The following LIMK2 variants were observed in gnomAD, a reference collection of about 807,000 sequenced individuals.
LIMK2 encodes the protein LIM domain kinase 2.
In LIMK2, 35 loss-of-function variants were observed where a neutral mutation model predicts 75.7. The ratio of observed to expected loss-of-function variants is 0.46; its 90% CI spans 0.35 to 0.61. The LOEUF is 0.61. LIMK2 is among the 20% of genes least tolerant of loss of function. LIMK2 has a pLI of 0.00. For synonymous variants in LIMK2, 301 were observed against 319.2 expected, an observed-to-expected ratio of 0.94 and a Z score of 0.61; for missense variants, 623 against 831.0, an observed-to-expected ratio of 0.75 and a Z score of 3.08.
intron 2 of LIMK2, among the ~76,000 whole-genome samples, chr22:31,251,231 A>G (rs1483174409): frequency 2.0e-5 from 3 of 152,224 alleles, no homozygotes; most frequent in Non-Finnish European, 4.4e-5. Context: ...TTTTTATAGA[A>G]TTTCACTTAA....
At chr22:31,256,965 A>G (rs1363223429) in intron 2 of LIMK2, among the ~76,000 whole-genome samples, 4 of 150,330 alleles carry the variant, frequency 2.7e-5, no homozygotes, top group Non-Finnish European at 4.4e-5. Flanking sequence ...CTGTGCAGGT[A>G]AGTCCTGAGA....
chr22:31,217,990 G>A (rs2048401988), intron 1 of LIMK2, among the ~76,000 whole-genome samples: 1 of 152,136 alleles, frequency 6.6e-6, no homozygotes, highest in Admixed American at 6.5e-5. Flanking sequence ...AGTTTGCTGA[G>A]TTTGTTTTGA....
intron 2 of LIMK2, among the ~76,000 whole-genome samples, chr22:31,236,907 A>C (rs369155238): frequency 7.9e-6 from 1 of 126,336 alleles, no homozygotes; most frequent in East Asian, 5.6e-4. Context: ...ACAGAGCGAG[A>C]CTCTGTCTCA....
At chr22:31,276,966 C>A (rs780137760) in intron 15 of LIMK2, 3 of 1,613,836 alleles carry the variant, frequency 1.9e-6, no homozygotes, top group African/African-American at 2.7e-5. Context: ...AAGAGGAGAT[C>A]TCAGAACTAG....
chr22:31,265,191 C>CA (rs35356989), intron 7 of LIMK2, among the ~76,000 whole-genome samples: 14,936 of 34,230 alleles, frequency 0.44, 4,024 homozygotes, highest in Non-Finnish European at 0.5. Context: ...GAGACTCCAT[C>CA]AAAAAAAAAA....
At chr22:31,246,413 T>G (rs1268048648) in intron 2 of LIMK2, among the ~76,000 whole-genome samples, 1 of 152,054 alleles carries the variant, frequency 6.6e-6, no homozygotes, top group African/African-American at 2.4e-5. Flanking sequence ...TAAATATCTG[T>G]TGGAACATAG....
At chr22:31,256,322 T>C (rs917854456) in intron 2 of LIMK2, among the ~76,000 whole-genome samples, 1 of 149,554 alleles carries the variant, frequency 6.7e-6, no homozygotes, top group Non-Finnish European at 1.5e-5. Flanking sequence ...ATATAAGCTA[T>C]CTCTAGCTAG....
intron 7 of LIMK2, among the ~76,000 whole-genome samples, chr22:31,263,184 CG>C (rs1254056678): frequency 1.3e-5 from 2 of 152,132 alleles, no homozygotes; most frequent in African/African-American, 4.8e-5. Flanking sequence ...GATGAATGAA[CG>C]TTTTTTTTAG....
intron 2 of LIMK2, among the ~76,000 whole-genome samples, chr22:31,255,375 A>G (rs896559176): frequency 6.6e-6 from 1 of 152,142 alleles, no homozygotes; most frequent in Non-Finnish European, 1.5e-5. Context: ...CTTCACAGCC[A>G]TACTCTTCAT....
intron 3 of LIMK2, chr22:31,258,725 T>C (rs2048809512): frequency 4.8e-6 from 2 of 412,534 alleles, no homozygotes; most frequent in Non-Finnish European, 8.9e-6. Context: ...GAGGAGGATA[T>C]ACTTAGGTTG....
At chr22:31,242,437 T>C (rs2048630598) in intron 2 of LIMK2, among the ~76,000 whole-genome samples, 1 of 152,250 alleles carries the variant, frequency 6.6e-6, no homozygotes, top group African/African-American at 2.4e-5. Context: ...TGGTATATAG[T>C]AGATATGGAA....
intron 2 of LIMK2, among the ~76,000 whole-genome samples, chr22:31,255,731 T>C (rs1160501096): frequency 2.0e-5 from 3 of 152,198 alleles, no homozygotes; most frequent in African/African-American, 7.2e-5. Flanking sequence ...CTTTTATATC[T>C]GCAGTGCTTA....
chr22:31,268,183 G>A lies in LIMK2; in HGVS notation c.1300G>A (p.Gly434Arg). 6.2e-7 allele frequency: 1 copy of A among 1,614,032 alleles called. No individual in the cohort carries two copies. Among genetic ancestry groups the A allele is most frequent in the Non-Finnish European group, 8.5e-7 (1 of 1,179,942 alleles). The change falls in exon 11 of 16, where the codon GGA becomes AGA. Residue 434 changes from glycine (G) to arginine (R), a missense_variant. Around this residue, in one of 3 missense-constraint regions of LIMK2, gnomAD observed 514 missense variants for 661.3 expected, o/e 0.78. Transcript: ENST00000331728. ...PWQQKVRFAK[G>R]IASGMAYLHS... ...GCAGCAGAAGGTCAGGTTTGCCAAAGGAATCGCCTCCGGAATGGTGAGTCC... is the reference window on the plus strand; with the variant it reads ...GCAGCAGAAGGTCAGGTTTGCCAAAAGAATCGCCTCCGGAATGGTGAGTCC...
At position 31,258,444 on chromosome 22, in the gene LIMK2, T is replaced by C. The variant is rs2048806622; in HGVS notation, c.252+18T>C. On this transcript the variant is annotated intron_variant, in intron 3 of 15. Coordinates refer to ENST00000331728, the MANE Select transcript of LIMK2 (RefSeq NM_005569.4). ...CTTTTATGGTGAGTGAATCCCTTCA[T>C]ATCTGCCCCTCTTGGTCTTCAGAGT... 2 of 1,613,772 alleles carry C rather than the reference T, an allele frequency of 1.2e-6. No individual in the cohort carries two copies. Among genetic ancestry groups the C allele is most frequent in the African/African-American group, 2.7e-5 (2 of 75,040 alleles).
At chr22:31,231,347 A>T (rs1273447022) in intron 2 of LIMK2, among the ~76,000 whole-genome samples, 1 of 152,214 alleles carries the variant, frequency 6.6e-6, no homozygotes, top group Non-Finnish European at 1.5e-5. Context: ...CAACCCTGCC[A>T]TCTGCTGTTA....
intron 2 of LIMK2, among the ~76,000 whole-genome samples, chr22:31,230,946 C>G (rs976395782): frequency 1.3e-5 from 2 of 152,164 alleles, no homozygotes. Flanking sequence ...CCTGAGCATA[C>G]GACATGCATA....
chr22:31,248,699 A>C (rs757925294), intron 2 of LIMK2: 1 of 1,614,090 alleles, frequency 6.2e-7, no homozygotes, highest in South Asian at 1.1e-5. Context: ...GAGCCTGTCT[A>C]TCTGGTGTGG....
At chr22:31,248,880 G>A (rs367613402) in intron 2 of LIMK2, 68 of 1,189,650 alleles carry the variant, frequency 5.7e-5, no homozygotes, top group South Asian at 5.2e-4. Context: ...CGGTTCTGCC[G>A]GGCAGAAGCC....
Position 31,259,918 on chromosome 22 carries a change from C to T in LIMK2, c.392C>T (p.Ala131Val), listed in dbSNP as rs750966369. Residue 131 changes from alanine (A) to valine (V), a missense_variant, in exon 5 of 16, where the codon GCA (alanine) becomes GTA (valine). Physicochemically the swap from Ala to Val is moderately conservative, Grantham distance 64. Around this residue, in one of 3 missense-constraint regions of LIMK2, gnomAD observed 514 missense variants for 661.3 expected, o/e 0.78. Coordinates refer to ENST00000331728, the MANE Select transcript of LIMK2 (RefSeq NM_005569.4). ...AAGTGCCACAATGAGGTGGTGCTGG[C>T]ACCCATGTTTGAGAGACTCTCCACA... ...CGKCHNEVVL[A>V]PMFERLSTES... The T allele has an allele frequency of 1.2e-6, 2 of 1,609,616 alleles. No homozygotes were observed. Among genetic ancestry groups the T allele is most frequent in the Non-Finnish European group, 1.7e-6 (2 of 1,178,842 alleles).
Sources: gnomAD v4.1 joint callset for allele counts (sites outside exome capture counted in the v4.1 genomes callset) on GRCh38, gnomAD v4.1.1 for gene constraint, gnomAD v4.1.1 regional missense constraint, MANE v1.5 for transcripts, NCBI Gene and HGNC (gene_info 2026-07-23, HGNC 2026-07-21) for gene names.